The following NHSL2 variants were observed in gnomAD, a reference collection of about 807,000 sequenced individuals.
NHSL2 encodes NHS like 2, also known as NHS-like protein 2.
Under a neutral mutation model 53.4 loss-of-function variants are expected in NHSL2, and 27 were observed. That is an observed-to-expected ratio of 0.51 (90% CI 0.37 to 0.70). The LOEUF is 0.70. NHSL2 is among the 30% of genes least tolerant of loss of function. The pLI is 0.00. For missense variants in NHSL2, 892 were observed against 980.1 expected (o/e 0.91, Z 1.20); for synonymous variants, 408 against 404.1 (o/e 1.01, Z -0.12).
chrX:72,050,420 C>T (rs1287075262), intron 1 of NHSL2, among the ~76,000 whole-genome samples: 1 of 111,185 alleles, frequency 9.0e-6, no homozygotes, highest in African/African-American at 3.3e-5. Flanking sequence ...AGGTAGTGGC[C>T]GGCTCTGTCT....
intron 1 of NHSL2, among the ~76,000 whole-genome samples, chrX:71,976,925 T>C (rs900415019): frequency 5.3e-5 from 6 of 112,733 alleles, no homozygotes; most frequent in African/African-American, 1.9e-4. Context: ...GTGAGAATGA[T>C]ACGGGGTGGG....
At chrX:72,100,797 CAGTCCCTAGTGCCAAAAAG>C (rs1293489140) in intron 1 of NHSL2, among the ~76,000 whole-genome samples, 3 of 112,440 alleles carry the variant, frequency 2.7e-5, no homozygotes, top group Non-Finnish European at 5.6e-5. Flanking sequence ...TCCACAAAAC[CAGTCCCTAGTGCCAAAAAG>C]GTTGGGGACT....
intron 1 of NHSL2, among the ~76,000 whole-genome samples, chrX:71,968,557 A>T (rs1048242819): frequency 1.2e-4 from 13 of 111,901 alleles, no homozygotes; most frequent in African/African-American, 4.2e-4. Context: ...TTAACTTGTC[A>T]ATCTTTTTTT....
intron 1 of NHSL2, among the ~76,000 whole-genome samples, chrX:71,988,153 G>A (rs749363785): frequency 8.9e-6 from 1 of 112,078 alleles, no homozygotes; most frequent in South Asian, 3.7e-4. Context: ...TGGGGAAGGC[G>A]AGTTGCTCAC....
intron 1 of NHSL2, among the ~76,000 whole-genome samples, chrX:72,117,818 TTTTATTTATTTATTTA>T (rs779724895): frequency 2.1e-5 from 2 of 95,493 alleles, no homozygotes; most frequent in Middle Eastern, 5.2e-3. Context: ...TAGACCACAT[TTTTATTTATTTATTTA>T]TTTATTTATT....
At chrX:71,929,123 TC>T (rs1301893197) in intron 1 of NHSL2, among the ~76,000 whole-genome samples, 1 of 112,058 alleles carries the variant, frequency 8.9e-6, no homozygotes, top group Non-Finnish European at 1.9e-5. Flanking sequence ...ATGTGAATTA[TC>T]CCCTAAGACT....
chrX:71,941,675 C>A (rs2041766436), intron 1 of NHSL2, among the ~76,000 whole-genome samples: 1 of 112,439 alleles, frequency 8.9e-6, no homozygotes. Flanking sequence ...CTTATTATTA[C>A]AATCATTGCT....
chrX:72,062,293 A>G (rs1296320122), intron 1 of NHSL2, among the ~76,000 whole-genome samples: 1 of 112,557 alleles, frequency 8.9e-6, no homozygotes, highest in African/African-American at 3.2e-5. Context: ...TAGAATTTCT[A>G]TTAACAGTCA....
chrX:72,136,881 G>T (rs147552132), intron 4 of NHSL2, among the ~76,000 whole-genome samples: 3,506 of 112,068 alleles, frequency 0.031, 59 homozygotes, highest in Middle Eastern at 0.078. Context: ...ACTGCCCCAG[G>T]CCACCTAAAA....
intron 1 of NHSL2, among the ~76,000 whole-genome samples, chrX:71,944,408 G>A (rs937724130): frequency 8.9e-6 from 1 of 112,119 alleles, no homozygotes; most frequent in Non-Finnish European, 1.9e-5. Flanking sequence ...CCTGAGTCAG[G>A]TTCTAAGATT....
chrX:72,132,022 C>G lies in NHSL2; in HGVS notation c.281-57C>G, dbSNP rs183302760. The G allele has an allele frequency of 6.7e-3, 7,656 of 1,142,716 alleles. 337 individuals are homozygous for G. In the African/African-American group the frequency reaches 0.12, roughly 18 times the overall value. The allele number at this position is 1,142,716 out of a possible 1,213,427, so 94.2% of individuals were successfully genotyped here. A position where few individuals can be genotyped will look rare whatever the true frequency, so the allele number is the denominator to read the frequency against. On this transcript the variant is annotated intron_variant, in intron 1 of 7. Coordinates refer to ENST00000633930, the MANE Select transcript of NHSL2 (RefSeq NM_001013627.3). ...GGAACCGCGGGCGCCCACTGGCCGC[C>G]GCGCGCCGCTCCCCTCCAGCTCGCC...
At chrX:71,953,308 G>C (rs938948037) in intron 1 of NHSL2, among the ~76,000 whole-genome samples, 1 of 112,230 alleles carries the variant, frequency 8.9e-6, no homozygotes, top group African/African-American at 3.2e-5. Context: ...CAGAGAGTGG[G>C]AGTCCATCTC....
chrX:71,968,187 G>A (rs951060828), intron 1 of NHSL2, among the ~76,000 whole-genome samples: 2 of 108,797 alleles, frequency 1.8e-5, no homozygotes, highest in African/African-American at 6.7e-5. Flanking sequence ...TTGTAGAGAT[G>A]GGGGTCTTAC....
intron 1 of NHSL2, among the ~76,000 whole-genome samples, chrX:71,933,902 G>A (rs780482517): frequency 9.0e-6 from 1 of 111,394 alleles, no homozygotes; most frequent in East Asian, 2.8e-4. Flanking sequence ...CCCAGGAGCT[G>A]GGGAACTTGT....
At chrX:72,134,347 T>A in intron 3 of NHSL2, 129 bp downstream of exon 3, 1 of 860,889 alleles carries the variant, frequency 1.2e-6, no homozygotes, top group Non-Finnish European at 1.6e-6. Context: ...GAGGCCCCAC[T>A]GGGATAGGCC....
intron 1 of NHSL2, among the ~76,000 whole-genome samples, chrX:71,923,123 T>TTAAATATTTATTAAATATTAAATA (rs2041668071): frequency 9.0e-6 from 1 of 111,330 alleles, no homozygotes; most frequent in East Asian, 2.8e-4. Context: ...CTATTAAATA[T>TTAAATATTTATTAAATATTAAATA]TTATTTCACT....
chrX:72,039,957 A>G (rs2042264427), intron 1 of NHSL2, among the ~76,000 whole-genome samples: 1 of 111,911 alleles, frequency 8.9e-6, no homozygotes, highest in South Asian at 3.7e-4. Context: ...CGTCTCATTA[A>G]TGGTCCCAGC....
intron 1 of NHSL2, 142 bp downstream of exon 1, chrX:71,911,509 C>T: frequency 3.8e-6 from 2 of 523,822 alleles, no homozygotes; most frequent in Non-Finnish European, 5.5e-6. Context: ...GAGGGGATCC[C>T]ATTTCCCCGA....
intron 1 of NHSL2, among the ~76,000 whole-genome samples, chrX:71,973,476 C>T (rs978343723): frequency 3.6e-5 from 4 of 111,797 alleles, no homozygotes; most frequent in African/African-American, 1.3e-4. Context: ...TTCTAAATAA[C>T]GAGCCCCCTT....
Sources: gnomAD v4.1 joint callset for allele counts (sites outside exome capture counted in the v4.1 genomes callset) on GRCh38, gnomAD v4.1.1 for gene constraint, MANE v1.5 for transcripts, NCBI Gene and HGNC (gene_info 2026-07-23, HGNC 2026-07-21) for gene names.